CSMD1: variants seen among roughly 807,000 people sequenced by gnomAD.
CSMD1 encodes CUB and sushi domain-containing protein 1.
CSMD1 carries 213 observed loss-of-function variants against 417.5 expected under a neutral mutation model. That is an observed-to-expected ratio of 0.51 (90% CI 0.46 to 0.57). CSMD1 has a LOEUF of 0.57. Among genes scored for constraint, CSMD1 ranks in the 20% least tolerant of loss-of-function variants. The probability of loss-of-function intolerance (pLI) is 0.00; values close to 1 mark genes in which losing one functional copy is unlikely to be tolerated. For missense variants in CSMD1, 6,923 were observed against 4,529.7 expected (o/e 1.53, Z -15.17); for synonymous variants, 2,862 against 1,736.8 (o/e 1.65, Z -16.11).
chr8:3,695,695 T>A (rs1160506082), intron 7 of CSMD1, among the ~76,000 whole-genome samples: 1 of 152,162 alleles, frequency 6.6e-6, no homozygotes, highest in African/African-American at 2.4e-5. Context: ...CAAATTGTAT[T>A]TAAAAGTTAC....
intron 5 of CSMD1, among the ~76,000 whole-genome samples, chr8:3,992,172 GATAT>G (rs1272386815): frequency 6.6e-6 from 1 of 150,622 alleles, no homozygotes; most frequent in Non-Finnish European, 1.5e-5. Flanking sequence ...TTTATTGTTA[GATAT>G]ATATAAATAT....
At chr8:3,607,664 A>C (rs931276948) in intron 8 of CSMD1, among the ~76,000 whole-genome samples, 2 of 152,218 alleles carry the variant, frequency 1.3e-5, no homozygotes, top group African/African-American at 2.4e-5. Flanking sequence ...ATTGTTAGGC[A>C]GTGTATGACT....
At chr8:2,965,730 G>C in intron 59 of CSMD1, 45 bp downstream of exon 59, 1 of 1,504,498 alleles carries the variant, frequency 6.6e-7, no homozygotes, top group Non-Finnish European at 9.0e-7. Flanking sequence ...ATTCAATAAA[G>C]ACTTCTATAC....
intron 3 of CSMD1, among the ~76,000 whole-genome samples, chr8:4,132,930 A>G (rs1431041986): frequency 1.3e-5 from 2 of 149,710 alleles, no homozygotes; most frequent in East Asian, 3.9e-4. Context: ...GGTAAAAGTC[A>G]TTTATTTATT....
intron 2 of CSMD1, among the ~76,000 whole-genome samples, chr8:4,454,088 C>G (rs913022539): frequency 5.3e-5 from 8 of 152,228 alleles, no homozygotes; most frequent in African/African-American, 1.9e-4. Flanking sequence ...TCCCTAAGTG[C>G]TGGGATTACA....
At chr8:3,755,930 C>G (rs1174022949) in intron 5 of CSMD1, among the ~76,000 whole-genome samples, 2 of 151,796 alleles carry the variant, frequency 1.3e-5, no homozygotes, top group African/African-American at 2.4e-5. Flanking sequence ...TTTTATTTTT[C>G]TGGTGAGATT....
intron 1 of CSMD1, among the ~76,000 whole-genome samples, chr8:4,945,795 G>A (rs763386029): frequency 1.3e-5 from 2 of 152,268 alleles, no homozygotes; most frequent in East Asian, 1.9e-4. Flanking sequence ...GACGGATGAG[G>A]TTAAGTAGGC....
intron 1 of CSMD1, among the ~76,000 whole-genome samples, chr8:4,870,386 C>A (rs936134741): frequency 3.3e-5 from 5 of 152,128 alleles, no homozygotes; most frequent in Admixed American, 2.0e-4. Flanking sequence ...AGTTCAGAAA[C>A]CCTTCAACAG....
chr8:3,510,609 A>G (rs1017342375), intron 10 of CSMD1, among the ~76,000 whole-genome samples: 2 of 151,710 alleles, frequency 1.3e-5, no homozygotes, highest in African/African-American at 4.9e-5. Context: ...AATGCTGGTG[A>G]CTCTCTTGCA....
intron 1 of CSMD1, among the ~76,000 whole-genome samples, chr8:4,738,750 CA>C (rs1810407019): frequency 6.6e-6 from 1 of 152,036 alleles, no homozygotes; most frequent in Non-Finnish European, 1.5e-5. Context: ...TAATGGTATG[CA>C]TTTCTGAATA....
chr8:4,497,926 C>T (rs17070439), intron 2 of CSMD1, among the ~76,000 whole-genome samples: 4,188 of 152,236 alleles, frequency 0.028, 81 homozygotes, highest in East Asian at 0.1. Flanking sequence ...AGCTCACGGA[C>T]ACAGACCTGC....
In CSMD1 at chr8:2,947,765, C is replaced by G. The variant is rs187357904; in HGVS notation, c.10402+1534G>C. 1.0e-3 allele frequency among the ~76,000 whole-genome samples: 157 copies of G among 152,252 alleles called. No homozygotes were observed. In the Middle Eastern group the frequency reaches 0.017, roughly 16 times the overall value. On this transcript the variant is annotated intron_variant, in intron 68 of 69. Coordinates refer to ENST00000635120, the MANE Select transcript of CSMD1 (RefSeq NM_033225.6). The stretch of plus-strand genomic sequence containing the variant: ...TTAGAGCAAGAGAAAAAACATCACC[C>G]ATCATTAGTGTTGGTCTAATGCATT...
chr8:4,363,840 C>G (rs902350896), intron 3 of CSMD1, among the ~76,000 whole-genome samples: 4 of 151,964 alleles, frequency 2.6e-5, no homozygotes, highest in Non-Finnish European at 1.5e-5. Flanking sequence ...TTTGTGGGAT[C>G]TGAAAATCAA....
intron 3 of CSMD1, among the ~76,000 whole-genome samples, chr8:4,267,166 A>G (rs1436788875): frequency 9.8e-6 from 1 of 101,888 alleles, no homozygotes; most frequent in African/African-American, 2.7e-5. Flanking sequence ...GAAACAGTGA[A>G]GATAATATTC....
chr8:2,943,835 A>G (rs1802047914), intron 68 of CSMD1, among the ~76,000 whole-genome samples: 1 of 152,212 alleles, frequency 6.6e-6, no homozygotes, highest in African/African-American at 2.4e-5. Context: ...GTTGAGAAGA[A>G]GCTCATCTGG....
intron 49 of CSMD1, among the ~76,000 whole-genome samples, chr8:3,069,334 C>G (rs1356864656): frequency 1.3e-5 from 2 of 151,546 alleles, no homozygotes; most frequent in Non-Finnish European, 2.9e-5. Flanking sequence ...ACTCGGGAGG[C>G]TAAGGCAGGA....
chr8:4,557,896 G>A (rs953758325), intron 2 of CSMD1, among the ~76,000 whole-genome samples: 8 of 152,106 alleles, frequency 5.3e-5, no homozygotes, highest in African/African-American at 1.4e-4. Context: ...TAAAGATGAC[G>A]TGTTCAGTTT....
chr8:3,093,544 T>C (rs1375889103), intron 47 of CSMD1, among the ~76,000 whole-genome samples: 1 of 152,074 alleles, frequency 6.6e-6, no homozygotes, highest in African/African-American at 2.4e-5. Context: ...GGCAGGCACC[T>C]GTAATCCCAG....
chr8:4,582,920 G>C (rs542157821), intron 2 of CSMD1, among the ~76,000 whole-genome samples: 45 of 152,342 alleles, frequency 3.0e-4, no homozygotes, highest in African/African-American at 1.0e-3. Flanking sequence ...CCCACACTCG[G>C]AGCAGCTGGC....
Sources: allele counts gnomAD v4.1 joint callset (sites outside exome capture counted in the v4.1 genomes callset), GRCh38; gene constraint gnomAD v4.1.1; transcripts MANE v1.5; gene names NCBI Gene and HGNC (gene_info 2026-07-23, HGNC 2026-07-21).